CSNK1A1: variants seen among roughly 807,000 people sequenced by gnomAD.
The protein encoded by CSNK1A1 is casein kinase I isoform alpha.
In CSNK1A1, 7 loss-of-function variants were observed where a neutral mutation model predicts 46.1. The ratio of observed to expected loss-of-function variants is 0.15; its 90% CI spans 0.09 to 0.29. CSNK1A1 has a LOEUF of 0.29. CSNK1A1 is among the 10% of genes least tolerant of loss of function. CSNK1A1 has a pLI of 1.00. For synonymous variants in CSNK1A1, 137 were observed against 141.5 expected, an observed-to-expected ratio of 0.97 and a Z score of 0.23; for missense variants, 96 against 417.1, an observed-to-expected ratio of 0.23 and a Z score of 6.71.
intron 2 of CSNK1A1, among the ~76,000 whole-genome samples, chr5:149,539,405 G>A (rs1762161052): frequency 6.6e-6 from 1 of 151,698 alleles, no homozygotes; most frequent in South Asian, 2.1e-4. Context: ...GTTCAAGGCT[G>A]CAGTAAGCTA....
intron 9 of CSNK1A1, chr5:149,504,507 T>C (rs757551972): frequency 3.0e-6 from 3 of 985,388 alleles, no homozygotes; most frequent in Non-Finnish European, 3.6e-6. Flanking sequence ...AGTAAGCAGG[T>C]ATCAGGAGGT....
At chr5:149,542,643 T>C (rs1378892185) in intron 2 of CSNK1A1, among the ~76,000 whole-genome samples, 2 of 4,184 alleles carry the variant, frequency 4.8e-4, no homozygotes, top group East Asian at 6.9e-3. Context: ...TATATATGTA[T>C]ATATATATAT....
intron 9 of CSNK1A1, chr5:149,503,101 C>T: frequency 1.0e-6 from 1 of 985,382 alleles, no homozygotes; most frequent in Non-Finnish European, 1.2e-6. Flanking sequence ...CTATAGTGGA[C>T]CTTAAGAGAC....
chr5:149,538,663 C>T (rs1349612468), intron 2 of CSNK1A1, among the ~76,000 whole-genome samples: 2 of 152,220 alleles, frequency 1.3e-5, no homozygotes, highest in African/African-American at 4.8e-5. Flanking sequence ...CGGCTCACAT[C>T]TGTAATCCCA....
At chr5:149,548,432 T>C (rs1762547490) in intron 2 of CSNK1A1, among the ~76,000 whole-genome samples, 1 of 150,722 alleles carries the variant, frequency 6.6e-6, no homozygotes, top group Non-Finnish European at 1.5e-5. Context: ...CCAGGCGTAG[T>C]AGTGCAGCTC....
chr5:149,512,163 A>C (rs564750217), intron 5 of CSNK1A1, among the ~76,000 whole-genome samples: 28 of 152,092 alleles, frequency 1.8e-4, no homozygotes, highest in Non-Finnish European at 3.7e-4. Context: ...TTAATGAACC[A>C]AGCAGGATGA....
Position 149,517,732 on chromosome 5 carries a change from A to G in CSNK1A1, c.456+2558T>C. The G allele has an allele frequency of 9.4e-7, 1 of 1,063,310 alleles. No homozygotes were observed. The highest frequency in any genetic ancestry group is 2.6e-5 in the East Asian group (1 of 38,754). The allele number at this position is 1,063,310 out of a possible 1,614,324, so 65.9% of individuals were successfully genotyped here. On this transcript the variant is annotated intron_variant, in intron 4 of 9. Transcript: ENST00000377843. This position sits in a 1 kb window ranked among gnomAD's most constrained non-coding sequence, Gnocchi z 4.4. ...ACAAAACAAAAATCATCAAAATAAAACAATAAAAAAGAAAAGCACATGAAT... is the reference window on the plus strand; with the variant it reads ...ACAAAACAAAAATCATCAAAATAAAGCAATAAAAAAGAAAAGCACATGAAT...
intron 2 of CSNK1A1, among the ~76,000 whole-genome samples, chr5:149,532,101 A>C (rs1580848776): frequency 6.6e-6 from 1 of 150,618 alleles, no homozygotes; most frequent in African/African-American, 2.4e-5. Context: ...CTGATTTTGA[A>C]CTCCTGGCCT....
At position 149,495,152 on chromosome 5, in the gene CSNK1A1, T is replaced by C. The variant is rs1477910254; in HGVS notation, c.*1701A>G. The C allele has an allele frequency of 2.6e-5, 4 of 152,176 alleles. No individual in the cohort carries two copies. The highest frequency in any genetic ancestry group is 6.5e-5 in the Admixed American group (1 of 15,270). 9.4% of individuals were successfully genotyped at this position (152,176 alleles called of 1,614,324 possible). A position where few individuals can be genotyped will look rare whatever the true frequency, so the allele number is the denominator to read the frequency against. The stretch of plus-strand genomic sequence containing the variant: ...AATTTCTTCAGTATTACGGTACTAA[T>C]ATCCCTTAATGGCAGAATGTGATAA... On this transcript the variant is annotated 3_prime_UTR_variant, in exon 10 of 10. Transcript: ENST00000377843.
chr5:149,526,542 T>C (rs1230601524), intron 2 of CSNK1A1, among the ~76,000 whole-genome samples: 3 of 152,208 alleles, frequency 2.0e-5, no homozygotes, highest in Admixed American at 2.0e-4. Context: ...TAGTGCCATT[T>C]CCTGCTTTGC....
At chr5:149,506,092 A>C (rs1265844791) in intron 8 of CSNK1A1, among the ~76,000 whole-genome samples, 6 of 151,668 alleles carry the variant, frequency 4.0e-5, no homozygotes, top group Admixed American at 2.6e-4. Flanking sequence ...ATACCCAGCT[A>C]ATTTTTGTAT....
intron 2 of CSNK1A1, among the ~76,000 whole-genome samples, chr5:149,545,163 G>A (rs894404115): frequency 6.6e-6 from 1 of 151,878 alleles, no homozygotes; most frequent in African/African-American, 2.4e-5. Context: ...AGTGGGCTGG[G>A]GTTCAGTGCC....
chr5:149,542,792 C>A (rs1228317656), intron 2 of CSNK1A1, among the ~76,000 whole-genome samples: 4 of 142,580 alleles, frequency 2.8e-5, no homozygotes, highest in African/African-American at 1.0e-4. Flanking sequence ...GCCTCCCGGG[C>A]TCAAGCAATT....
chr5:149,497,044 TA>T (rs1760674918), intron 9 of CSNK1A1, 184 bp from the exon 10 acceptor site: 4 of 1,415,488 alleles, frequency 2.8e-6, no homozygotes, highest in Middle Eastern at 2.6e-4. Context: ...TACTTAAAAC[TA>T]ATTTTTTCTG....
At chr5:149,522,671 G>GT (rs1761607074) in intron 3 of CSNK1A1, among the ~76,000 whole-genome samples, 2 of 152,292 alleles carry the variant, frequency 1.3e-5, no homozygotes, top group East Asian at 3.9e-4. Flanking sequence ...ACTTACACCT[G>GT]TTACCTGTCA....
Position 149,518,605 on chromosome 5 carries a change from T to C in CSNK1A1, c.456+1685A>G, listed in dbSNP as rs116037853. ...GCAACATTTAGCATTTGAATCTTAG[T>C]TGAGTAAAACACTTTGCTTCTTCCC... On this transcript the variant is annotated intron_variant, in intron 4 of 9. Transcript: ENST00000377843. Among the ~76,000 whole-genome samples, 219 of 152,280 alleles carry C rather than the reference T, an allele frequency of 1.4e-3. 2 individuals carry two copies. The highest frequency in any genetic ancestry group is 4.8e-3 in the African/African-American group (198 of 41,560).
chr5:149,537,785 T>C (rs547115272), intron 2 of CSNK1A1, among the ~76,000 whole-genome samples: 13 of 149,770 alleles, frequency 8.7e-5, no homozygotes, highest in Non-Finnish European at 7.4e-5. Context: ...GGTCCTACTG[T>C]TGCAATTAAC....
At chr5:149,499,378 T>C in intron 9 of CSNK1A1, 1 of 567,896 alleles carries the variant, frequency 1.8e-6, no homozygotes. Flanking sequence ...TTAATTAAAT[T>C]TCAAATCTGC....
intron 9 of CSNK1A1, chr5:149,502,218 A>C (rs1322337861): frequency 1.1e-6 from 1 of 940,286 alleles, no homozygotes; most frequent in Non-Finnish European, 1.3e-6. Context: ...AGTAAATGCT[A>C]CCATTTTGGG....
Sources: allele counts gnomAD v4.1 joint callset (sites outside exome capture counted in the v4.1 genomes callset), GRCh38; gene constraint gnomAD v4.1.1; non-coding constraint Gnocchi (gnomAD v3.1); transcripts MANE v1.5; gene names NCBI Gene and HGNC (gene_info 2026-07-23, HGNC 2026-07-21).